The following ROR2 variants were observed in gnomAD, a reference collection of about 807,000 sequenced individuals.
The protein encoded by ROR2 is tyrosine-protein kinase transmembrane receptor ROR2.
ROR2 carries 33 observed loss-of-function variants against 74.9 expected under a neutral mutation model. The observed-to-expected ratio is 0.44, with a 90% CI of 0.33 to 0.59. The LOEUF (loss-of-function observed/expected upper bound fraction) is 0.59. Among genes scored for constraint, ROR2 ranks in the 20% least tolerant of loss-of-function variants. The pLI, the probability that ROR2 is intolerant of heterozygous loss-of-function variation, is 0.02. For synonymous variants in ROR2, 586 were observed against 558.7 expected (o/e 1.05, Z -0.69); for missense variants, 1,216 against 1,313.8 (o/e 0.93, Z 1.15).
intron 1 of ROR2, among the ~76,000 whole-genome samples, chr9:91,779,386 TC>T (rs1826537923): frequency 4.4e-5 from 6 of 136,236 alleles, no homozygotes; most frequent in African/African-American, 1.2e-4. Context: ...TTTTTTTTTT[TC>T]GAGACAGAGT....
chr9:91,823,069 T>C (rs1379574916), intron 1 of ROR2, among the ~76,000 whole-genome samples: 1 of 152,212 alleles, frequency 6.6e-6, no homozygotes, highest in East Asian at 1.9e-4. Flanking sequence ...AGGGCTATTT[T>C]AGATTAAAGA....
In ROR2 at chr9:91,926,382, C is replaced by CAA. The variant is rs34847971; in HGVS notation, c.97+23483_97+23484dup. On this transcript the variant is annotated intron_variant, in intron 1 of 8. Coordinates refer to ENST00000375708, the MANE Select transcript of ROR2 (RefSeq NM_004560.4). Reference sequence around the variant, plus strand: ...TGGGCGACAGAGCAAGACTCCGTCTCAAAAAAAAAAAAAATTAGCTGGGCG... The same window carrying CAA: ...TGGGCGACAGAGCAAGACTCCGTCTCAAAAAAAAAAAAAAAATTAGCTGGGCG... Among the ~76,000 whole-genome samples the CAA allele has an allele frequency of 1.6e-4, 22 of 137,232 alleles. No homozygotes were observed. The East Asian group carries it at 1.9e-3, about 12-fold the overall frequency. The allele number at this position is 137,232 out of a possible 152,430, so 90.0% of individuals were successfully genotyped here.
At chr9:91,871,273 T>G (rs964670613) in intron 1 of ROR2, among the ~76,000 whole-genome samples, 4 of 152,240 alleles carry the variant, frequency 2.6e-5, no homozygotes, top group African/African-American at 9.6e-5. Context: ...CTGTGTGTGT[T>G]TGTCTTCCTC....
chr9:91,856,426 C>CCTAA (rs1587788657), intron 1 of ROR2, among the ~76,000 whole-genome samples: 1 of 152,306 alleles, frequency 6.6e-6, no homozygotes, highest in East Asian at 1.9e-4. Context: ...AGGCTGAAGC[C>CCTAA]CTAACTCCTA....
At chr9:91,757,176 G>T (rs964925456) in intron 3 of ROR2, 96 bp downstream of exon 3, 1 of 1,493,440 alleles carries the variant, frequency 6.7e-7, no homozygotes, top group Non-Finnish European at 9.3e-7. Context: ...CGTGCTGACT[G>T]GTGTGTGTTC....
chr9:91,928,098 C>G (rs1351746624), intron 1 of ROR2, among the ~76,000 whole-genome samples: 1 of 152,116 alleles, frequency 6.6e-6, no homozygotes, highest in Non-Finnish European at 1.5e-5. Context: ...GCATCACACT[C>G]ACCTGCCACC....
At chr9:91,880,476 A>G (rs1830078013) in intron 1 of ROR2, among the ~76,000 whole-genome samples, 2 of 152,240 alleles carry the variant, frequency 1.3e-5, no homozygotes, top group Admixed American at 6.5e-5. Context: ...TAGTGCTGTG[A>G]GCACACTAAT....
chr9:91,853,144 GC>G (rs1245108739), intron 1 of ROR2, among the ~76,000 whole-genome samples: 1 of 152,234 alleles, frequency 6.6e-6, no homozygotes, highest in Non-Finnish European at 1.5e-5. Context: ...TCTGATCTAT[GC>G]CTGGGGTTGG....
Position 91,723,392 on chromosome 9 carries a change from A to C in ROR2, c.*270T>G. 1 of 491,650 alleles carries C rather than the reference A, an allele frequency of 2.0e-6. No individual in the cohort carries two copies. Among genetic ancestry groups the C allele is most frequent in the South Asian group, 3.3e-5 (1 of 30,330 alleles). 30.5% of individuals were successfully genotyped at this position (491,650 alleles called of 1,614,324 possible). On this transcript the variant is annotated 3_prime_UTR_variant, in exon 9 of 9. Coordinates refer to ENST00000375708, the MANE Select transcript of ROR2 (RefSeq NM_004560.4). ...CACTACCAGTCTACCACCAGAATCA[A>C]TGTATACAGCCCTGGGGATGACCAT...
At position 91,905,645 on chromosome 9, in the gene ROR2, T is replaced by TAACACACAC. The variant is rs1669455835; in HGVS notation, c.97+44213_97+44221dup. Among the ~76,000 whole-genome samples the TAACACACAC allele has an allele frequency of 2.0e-5, 3 of 147,838 alleles. No individual in the cohort carries two copies. The highest frequency in any genetic ancestry group is 4.5e-5 in the Non-Finnish European group (3 of 67,096). On this transcript the variant is annotated intron_variant, in intron 1 of 8. Coordinates refer to ENST00000375708, the MANE Select transcript of ROR2 (RefSeq NM_004560.4). The surrounding 1 kb of genome is among the most constrained non-coding windows in gnomAD (Gnocchi z 5.3). ...TGCCCCCAACACACATAAACACACA[T>TAACACACAC]AACACACACGTACACCACACATACA...
chr9:91,881,054 C>G (rs1830093587), intron 1 of ROR2, among the ~76,000 whole-genome samples: 1 of 152,276 alleles, frequency 6.6e-6, no homozygotes, highest in Admixed American at 6.5e-5. Flanking sequence ...GACATCTTGC[C>G]AGCCGCTTAC....
chr9:91,724,524 C>A lies in ROR2; in HGVS notation c.1970G>T (p.Arg657Leu). The A allele has an allele frequency of 6.2e-7, 1 of 1,614,174 alleles. No individual in the cohort carries two copies. The highest frequency in any genetic ancestry group is 8.5e-7 in the Non-Finnish European group (1 of 1,180,018). Residue 657 changes from arginine (R) to leucine (L), a missense_variant, in exon 9 of 9, where the codon CGC becomes CTC. Transcript: ENST00000375708. ...KLLGNSLLPI[R>L]WMAPEAIMYG... ...CATGATGGCCTCTGGGGCCATCCAGCGGATAGGCAGCAGCGAGTTCCCCAG... is the reference window on the plus strand; with the variant it reads ...CATGATGGCCTCTGGGGCCATCCAGAGGATAGGCAGCAGCGAGTTCCCCAG...
chr9:91,859,226 G>A (rs56308784), intron 1 of ROR2, among the ~76,000 whole-genome samples: 36,276 of 129,198 alleles, frequency 0.28, 5,052 homozygotes, highest in Admixed American at 0.47. Context: ...TTTTGAGACA[G>A]AGTCTCACTC....
At chr9:91,778,892 T>C (rs1382520480) in intron 1 of ROR2, among the ~76,000 whole-genome samples, 2 of 152,196 alleles carry the variant, frequency 1.3e-5, no homozygotes, top group African/African-American at 2.4e-5. Flanking sequence ...TTTAGTTTTT[T>C]GATACTTTTT....
chr9:91,890,081 T>C (rs1830387374), intron 1 of ROR2, among the ~76,000 whole-genome samples: 1 of 152,184 alleles, frequency 6.6e-6, no homozygotes, highest in African/African-American at 2.4e-5. Flanking sequence ...AAGAGCCCAG[T>C]GAGGGTCAGA....
chr9:91,852,732 T>C (rs1414790537), intron 1 of ROR2, among the ~76,000 whole-genome samples: 6 of 151,930 alleles, frequency 3.9e-5, no homozygotes. Context: ...TTCAAAAAGT[T>C]AAAGAAATCA....
Position 91,731,662 on chromosome 9 carries a change from C to A in ROR2, c.938-507G>T, listed in dbSNP as rs147003746. On this transcript the variant is annotated intron_variant, in intron 6 of 8. Coordinates refer to ENST00000375708, the MANE Select transcript of ROR2 (RefSeq NM_004560.4). ...GGGGCGCTGCTCTAAACCCTCCTGG[C>A]TGGGGCACCGTGGCTAACAAGGCGG... 2.7e-3 allele frequency among the ~76,000 whole-genome samples: 414 copies of A among 152,304 alleles called. 3 individuals are homozygous for A. Among genetic ancestry groups the A allele is most frequent in the Middle Eastern group, 0.014 (4 of 294 alleles).
chr9:91,824,251 A>G (rs992521429), intron 1 of ROR2, among the ~76,000 whole-genome samples: 2 of 152,228 alleles, frequency 1.3e-5, no homozygotes, highest in African/African-American at 2.4e-5. Flanking sequence ...GGAAATGATG[A>G]AGCTGGGCAT....
At chr9:91,843,668 A>G (rs1828846847) in intron 1 of ROR2, among the ~76,000 whole-genome samples, 1 of 152,254 alleles carries the variant, frequency 6.6e-6, no homozygotes, top group African/African-American at 2.4e-5. Flanking sequence ...CTCCGCATGC[A>G]TGTCGATGTC....
Sources: gnomAD v4.1 joint callset for allele counts (sites outside exome capture counted in the v4.1 genomes callset) on GRCh38, gnomAD v4.1.1 for gene constraint, Gnocchi (gnomAD v3.1) non-coding constraint, MANE v1.5 for transcripts, NCBI Gene and HGNC (gene_info 2026-07-23, HGNC 2026-07-21) for gene names.